Variants in COL17A1 observed in about 807,000 individuals in gnomAD.
The protein encoded by COL17A1 is collagen type XVII alpha 1 chain.
COL17A1 carries 181 observed loss-of-function variants against 218.4 expected under a neutral mutation model. The ratio of observed to expected loss-of-function variants is 0.83; its 90% CI spans 0.73 to 0.94. The LOEUF (loss-of-function observed/expected upper bound fraction) is 0.94. Among genes scored for constraint, COL17A1 ranks in the 40% least tolerant of loss-of-function variants. COL17A1 has a pLI of 0.00. For missense variants in COL17A1, 1,924 were observed against 1,945.9 expected (o/e 0.99, Z 0.21); for synonymous variants, 721 against 731.0 (o/e 0.99, Z 0.22).
At chr10:104,037,181 A>C in intron 46 of COL17A1, 68 bp from the exon 47 acceptor site, 1 of 1,411,392 alleles carries the variant, frequency 7.1e-7, no homozygotes, top group Non-Finnish European at 9.8e-7. Context: ...CTATTCCAGA[A>C]TCTGAAAGGC....
chr10:104,084,567 A>G (rs1265308386), intron 1 of COL17A1, among the ~76,000 whole-genome samples: 1 of 152,090 alleles, frequency 6.6e-6, no homozygotes, highest in African/African-American at 2.4e-5. Flanking sequence ...CTAATTTTGT[A>G]TTTTTTGTAG....
intron 19 of COL17A1, 70 bp downstream of exon 19, chr10:104,055,302 A>G: frequency 3.7e-6 from 6 of 1,610,586 alleles, no homozygotes; most frequent in Non-Finnish European, 5.1e-6. Flanking sequence ...AAAGGCTTCT[A>G]ATCTACCCAG....
At chr10:104,045,538 A>G (rs2086400032) in intron 33 of COL17A1, among the ~76,000 whole-genome samples, 1 of 147,132 alleles carries the variant, frequency 6.8e-6, no homozygotes, top group Non-Finnish European at 1.5e-5. Flanking sequence ...AGCAAGGCTC[A>G]GGTTTGTGGG....
intron 36 of COL17A1, 59 bp downstream of exon 36, chr10:104,042,361 G>C: frequency 6.3e-7 from 1 of 1,579,942 alleles, no homozygotes; most frequent in South Asian, 1.1e-5. Context: ...TGTCCACCCT[G>C]AGAGGAAAGT....
In COL17A1 at chr10:104,064,525, C is replaced by A. The variant is rs753380251; in HGVS notation, c.679G>T (p.Ala227Ser). The A allele has an allele frequency of 4.3e-6, 7 of 1,613,966 alleles. No homozygotes were observed. The highest frequency in any genetic ancestry group is 5.1e-6 in the Non-Finnish European group (6 of 1,180,006). ...TGATAGGTCCCCATGGAGGACCCCG[C>A]GGGCAGGGTGGAGGACCACACATGG... ...PSHVWSSTLPAGSSMGTYHNN... is the reference protein window; with the variant it reads ...PSHVWSSTLPSGSSMGTYHNN... The change falls in exon 10 of 56, where the codon GCG (alanine) becomes TCG (serine). Residue 227 changes from alanine (A) to serine (S), a missense_variant. By Grantham distance (99) the Ala-to-Ser change is moderately conservative. Transcript: ENST00000648076.
At chr10:104,034,589 G>T in intron 51 of COL17A1, 32 bp downstream of exon 51, 1 of 1,604,236 alleles carries the variant, frequency 6.2e-7, no homozygotes, top group Non-Finnish European at 8.5e-7. Flanking sequence ...CCTGCGGGGT[G>T]CCTGGTGGGG....
At chr10:104,048,322 A>G in intron 29 of COL17A1, 6 of 707,166 alleles carry the variant, frequency 8.5e-6, no homozygotes, top group Non-Finnish European at 1.6e-5. Flanking sequence ...AGAATTGTTC[A>G]GTGCCTTCCC....
intron 28 of COL17A1, 99 bp downstream of exon 28, chr10:104,049,990 C>A: frequency 6.3e-7 from 1 of 1,579,656 alleles, no homozygotes; most frequent in Non-Finnish European, 8.6e-7. Flanking sequence ...GGGTTTTAAA[C>A]AGATTCGGTC....
intron 32 of COL17A1, 43 bp downstream of exon 32, chr10:104,046,704 G>A (rs1275506045): frequency 3.7e-6 from 6 of 1,609,070 alleles, no homozygotes; most frequent in South Asian, 1.1e-5. Flanking sequence ...GTTACCCCAG[G>A]AGAAGGTGGG....
rs2086371133 is a variant in COL17A1 at position 104,042,588 on chromosome 10, C to CAATTCG, written c.2516-139_2516-134dup. 7 of 860,752 alleles carry CAATTCG rather than the reference C, an allele frequency of 8.1e-6. No homozygotes were observed. The South Asian group carries it at 9.8e-5, about 12-fold the overall frequency. The allele number at this position is 860,752 out of a possible 1,614,324, so 53.3% of individuals were successfully genotyped here. A position where few individuals can be genotyped will look rare whatever the true frequency, so the allele number is the denominator to read the frequency against. On this transcript the variant is annotated intron_variant, in intron 35 of 55. Transcript: ENST00000648076. ...ACCTTGCTTATTTGAGAGCAATAAG[C>CAATTCG]AATTCGAGATCAGCCCTGCGGTCCA...
In COL17A1 at chr10:104,033,260, C is replaced by G. The variant is rs762902414; in HGVS notation, c.4272G>C (p.Ala1424=). The G allele has an allele frequency of 1.9e-6, 3 of 1,589,764 alleles. No individual in the cohort carries two copies. The highest frequency in any genetic ancestry group is 2.7e-5 in the African/African-American group (2 of 74,752). Residue 1424 remains alanine (A), a synonymous_variant, in exon 53 of 56, where the codon GCG becomes GCC. Coordinates refer to ENST00000648076, the MANE Select transcript of COL17A1 (RefSeq NM_000494.4). ...KVFSAYSNVT[A]DLMDFFQTYG... ...TACTTTGGAAGAAGTCCATGAGGTCCGCAGTCACGTTGCTGTAGGCAGAGA... is the reference window on the plus strand; with the variant it reads ...TACTTTGGAAGAAGTCCATGAGGTCGGCAGTCACGTTGCTGTAGGCAGAGA...
At position 104,074,227 on chromosome 10, in the gene COL17A1, G is replaced by T; in HGVS notation, c.336C>A (p.Ser112Arg). The change falls in exon 6 of 56, where the codon AGC becomes AGA. Residue 112 changes from serine (S) to arginine (R), a missense_variant. Coordinates refer to ENST00000648076, the MANE Select transcript of COL17A1 (RefSeq NM_000494.4). Reference protein sequence around the residue: ...THVTRHAYEGSSSGNSSPEYP... With the variant: ...THVTRHAYEGRSSGNSSPEYP... ...ACTCCGGAGAAGAGTTGCCACTGGA[G>T]CTCCCTGGAGAGGGGATGAAACACT... 6.2e-7 allele frequency: 1 copy of T among 1,614,194 alleles called. No individual in the cohort carries two copies. The highest frequency in any genetic ancestry group is 1.1e-5 in the South Asian group (1 of 91,082).
At position 104,043,488 on chromosome 10, in the gene COL17A1, A is replaced by C; in HGVS notation, c.2515+13T>G. On this transcript the variant is annotated intron_variant, in intron 35 of 55. Coordinates refer to ENST00000648076, the MANE Select transcript of COL17A1 (RefSeq NM_000494.4). ...TATTGCTGATTTGGGGCAAAGCAAG[A>C]AAATAGACTGACCTGGGGCACCTGG... 6.2e-7 allele frequency: 1 copy of C among 1,612,986 alleles called. No homozygotes were observed. The highest frequency in any genetic ancestry group is 8.5e-7 in the Non-Finnish European group (1 of 1,179,438).
chr10:104,044,483 G>A (rs1161827502), intron 33 of COL17A1, among the ~76,000 whole-genome samples: 4 of 152,146 alleles, frequency 2.6e-5, no homozygotes, highest in Non-Finnish European at 5.9e-5. Context: ...GACAATCCAC[G>A]GACTCACTTG....
intron 52 of COL17A1, 91 bp downstream of exon 52, chr10:104,033,854 C>A: frequency 1.3e-6 from 2 of 1,582,198 alleles, no homozygotes; most frequent in Non-Finnish European, 8.6e-7. Context: ...TCTGTCTTCA[C>A]AGCCTGGGGG....
intron 17 of COL17A1, among the ~76,000 whole-genome samples, chr10:104,056,422 A>T (rs2086527150): frequency 6.6e-6 from 1 of 151,986 alleles, no homozygotes; most frequent in Non-Finnish European, 1.5e-5. Context: ...CTCTACTAAA[A>T]ATACAAAAAA....
At chr10:104,049,664 T>G (rs1021207425) in intron 28 of COL17A1, among the ~76,000 whole-genome samples, 193 bp from the exon 29 acceptor site, 1 of 152,210 alleles carries the variant, frequency 6.6e-6, no homozygotes, top group Non-Finnish European at 1.5e-5. Flanking sequence ...CATGGGCATG[T>G]GCATGAGTCT....
intron 1 of COL17A1, among the ~76,000 whole-genome samples, chr10:104,080,987 CTTTG>C (rs1031649951): frequency 6.6e-6 from 1 of 152,178 alleles, no homozygotes; most frequent in South Asian, 2.1e-4. Context: ...GTGTCCTGAC[CTTTG>C]TTTGACTATA....
intron 19 of COL17A1, 130 bp from the exon 20 acceptor site, chr10:104,055,137 C>T: frequency 6.6e-7 from 1 of 1,520,732 alleles, no homozygotes; most frequent in Non-Finnish European, 9.0e-7. Flanking sequence ...CGGCGAGTCC[C>T]TCCCAGTCCC....
Sources: allele counts gnomAD v4.1 joint callset (sites outside exome capture counted in the v4.1 genomes callset), GRCh38; gene constraint gnomAD v4.1.1; transcripts MANE v1.5; gene names NCBI Gene and HGNC (gene_info 2026-07-23, HGNC 2026-07-21).